Variants in PTPN3 observed in about 807,000 individuals in gnomAD.
PTPN3 encodes tyrosine-protein phosphatase non-receptor type 3.
Under a neutral mutation model 132.7 loss-of-function variants are expected in PTPN3, and 96 were observed. The ratio of observed to expected loss-of-function variants is 0.72; its 90% CI spans 0.61 to 0.86. PTPN3 has a LOEUF of 0.86. Ranked by LOEUF, PTPN3 falls within the 40% of genes least tolerant of loss-of-function variation. The probability of loss-of-function intolerance (pLI) is 0.00; values close to 1 mark genes in which losing one functional copy is unlikely to be tolerated. For missense variants in PTPN3, 1,125 were observed against 1,159.6 expected, an observed-to-expected ratio of 0.97 and a Z score of 0.43; for synonymous variants, 398 against 429.0, an observed-to-expected ratio of 0.93 and a Z score of 0.89.
At chr9:109,393,374 T>A (rs1176327338) in intron 19 of PTPN3, among the ~76,000 whole-genome samples, 1 of 150,450 alleles carries the variant, frequency 6.6e-6, no homozygotes, top group Non-Finnish European at 1.5e-5. Flanking sequence ...TTTTTAATGG[T>A]TTTTTTTGTC....
At chr9:109,447,828 C>T (rs1434481407) in intron 6 of PTPN3, among the ~76,000 whole-genome samples, 1 of 152,164 alleles carries the variant, frequency 6.6e-6, no homozygotes, top group Non-Finnish European at 1.5e-5. Context: ...GCTTAAAAAC[C>T]TTCAACAGTT....
At chr9:109,453,159 G>A (rs1300733618) in intron 5 of PTPN3, among the ~76,000 whole-genome samples, 2 of 152,160 alleles carry the variant, frequency 1.3e-5, no homozygotes, top group Non-Finnish European at 2.9e-5. Flanking sequence ...AGTAGAGGGA[G>A]GAGGTGCACA....
chr9:109,389,729 C>G (rs1222625831), intron 21 of PTPN3, among the ~76,000 whole-genome samples: 3 of 152,186 alleles, frequency 2.0e-5, no homozygotes, highest in Non-Finnish European at 4.4e-5. Context: ...AATCCTACCC[C>G]TAAGTCTTTC....
intron 1 of PTPN3, among the ~76,000 whole-genome samples, chr9:109,473,345 A>G (rs1024404967): frequency 2.3e-4 from 35 of 152,202 alleles, no homozygotes; most frequent in African/African-American, 8.2e-4. Flanking sequence ...GAGATCTGTA[A>G]TTACTGGCCT....
chr9:109,472,578 T>C (rs1048124686), intron 1 of PTPN3, among the ~76,000 whole-genome samples: 1 of 152,228 alleles, frequency 6.6e-6, no homozygotes, highest in Admixed American at 6.5e-5. Context: ...TTTCCCTTTA[T>C]TAGTTTTAAA....
At chr9:109,418,098 G>A (rs1448715433) in intron 14 of PTPN3, among the ~76,000 whole-genome samples, 3 of 152,160 alleles carry the variant, frequency 2.0e-5, no homozygotes, top group Non-Finnish European at 4.4e-5. Flanking sequence ...CAGACCACAG[G>A]AGGAAAATCT....
Position 109,436,953 on chromosome 9 carries a change from T to C in PTPN3, c.605A>G (p.Glu202Gly), listed in dbSNP as rs764002258. Residue 202 changes from glutamate (E) to glycine (G), a missense_variant, in exon 9 of 26, where the codon GAA (glutamate) becomes GGA (glycine). Glu to Gly is a moderately conservative substitution (Grantham distance 98). Transcript: ENST00000374541. The stretch of plus-strand genomic sequence containing the variant: ...TATGTTGATATAGCAGGATTCTGCT[T>C]CTGATTGTTTTAGCCCACTACGGAA... ...HEQHSGLKQSEAESCYINIAR... is the reference protein window; with the variant it reads ...HEQHSGLKQSGAESCYINIAR... 7 of 1,613,982 alleles carry C rather than the reference T, an allele frequency of 4.3e-6. No individual in the cohort carries two copies. The South Asian group carries it at 7.7e-5, about 18-fold the overall frequency.
intron 16 of PTPN3, 119 bp downstream of exon 16, chr9:109,409,880 G>A: frequency 7.0e-7 from 1 of 1,430,926 alleles, no homozygotes; most frequent in Non-Finnish European, 9.2e-7. Flanking sequence ...TCTCAATTCT[G>A]AGGGTTGAAC....
chr9:109,463,565 A>C (rs1845953097), intron 1 of PTPN3, 114 bp from the exon 2 acceptor site: 3 of 933,044 alleles, frequency 3.2e-6, no homozygotes, highest in South Asian at 3.7e-5. Context: ...ACTCACAGAT[A>C]ATGAGAACTA....
intron 7 of PTPN3, 100 bp downstream of exon 7, chr9:109,445,139 TG>T: frequency 8.1e-7 from 1 of 1,234,270 alleles, no homozygotes; most frequent in Non-Finnish European, 1.2e-6. Flanking sequence ...GCAGGATTCC[TG>T]GGGAAGAGGG....
intron 11 of PTPN3, 35 bp downstream of exon 11, chr9:109,428,586 C>T (rs761429914): frequency 6.2e-7 from 1 of 1,601,450 alleles, no homozygotes; most frequent in South Asian, 1.1e-5. Context: ...CATACATATG[C>T]ACGAAACAAA....
the PTPN3 span, among the ~76,000 whole-genome samples, chr9:109,517,488 T>A: frequency 1.3e-5 from 2 of 152,316 alleles, no homozygotes; most frequent in Non-Finnish European, 2.9e-5. Context: ...CCAAAGCGCC[T>A]GTTCAAGGTA....
intron 1 of PTPN3, among the ~76,000 whole-genome samples, chr9:109,479,263 A>C (rs891714239): frequency 4.6e-5 from 7 of 152,214 alleles, no homozygotes; most frequent in African/African-American, 1.7e-4. Context: ...GTCTAGATAC[A>C]TCAGTGGAAC....
the PTPN3 span, among the ~76,000 whole-genome samples, chr9:109,526,352 T>A: frequency 1.2e-4 from 17 of 137,842 alleles, no homozygotes; most frequent in Admixed American, 4.4e-4. Flanking sequence ...TTTTTTTTTT[T>A]AAAGTGGAAA....
intron 22 of PTPN3, among the ~76,000 whole-genome samples, chr9:109,384,432 AG>A (rs1211086238): frequency 6.6e-6 from 1 of 152,182 alleles, no homozygotes; most frequent in African/African-American, 2.4e-5. Flanking sequence ...CAAGGCCATG[AG>A]GTCACAGTGA....
In PTPN3 at chr9:109,466,980, T is replaced by G. The variant is rs577139382; in HGVS notation, c.-17-3529A>C. ...TTAAGGAGCTCCAAGCAAACCTCCC[T>G]TCTTCCTTAGATAAGGATAGAGAGT... On this transcript the variant is annotated intron_variant, in intron 1 of 25. Transcript: ENST00000374541. 1.2e-4 allele frequency among the ~76,000 whole-genome samples: 19 copies of G among 152,216 alleles called. No individual in the cohort carries two copies. In the South Asian group the frequency reaches 4.0e-3, roughly 32 times the overall value.
the PTPN3 span, chr9:109,534,358 G>T: frequency 6.7e-7 from 1 of 1,496,052 alleles, no homozygotes; most frequent in Non-Finnish European, 8.9e-7. Context: ...GACTGGGGCC[G>T]GCTGCGGCAG....
At chr9:109,533,917 A>G in the PTPN3 span, 2 of 751,486 alleles carry the variant, frequency 2.7e-6, no homozygotes, top group Non-Finnish European at 4.8e-6. Context: ...GGTCTGCTGC[A>G]TGTTTACTGC....
At chr9:109,512,469 A>G in the PTPN3 span, among the ~76,000 whole-genome samples, 1 of 152,218 alleles carries the variant, frequency 6.6e-6, no homozygotes, top group Admixed American at 6.5e-5. Context: ...AAAGCTTTTT[A>G]AAAGACAGCT....
Sources: gnomAD v4.1 joint callset for allele counts (sites outside exome capture counted in the v4.1 genomes callset) on GRCh38, gnomAD v4.1.1 for gene constraint, MANE v1.5 for transcripts, NCBI Gene and HGNC (gene_info 2026-07-23, HGNC 2026-07-21) for gene names.